Variants in GABRA3 observed in about 807,000 individuals in gnomAD.
GABRA3 encodes the protein gamma-aminobutyric acid type A receptor subunit alpha3.
Under a neutral mutation model 30.1 loss-of-function variants are expected in GABRA3, and 10 were observed. That is an observed-to-expected ratio of 0.33 (90% confidence interval 0.20 to 0.56). GABRA3 has a LOEUF of 0.56. GABRA3 is among the 20% of genes least tolerant of loss of function. The pLI, the probability that GABRA3 is intolerant of heterozygous loss-of-function variation, is 0.89. For synonymous variants in GABRA3, 151 were observed against 146.8 expected (o/e 1.03, Z -0.21); for missense variants, 233 against 392.0 (o/e 0.59, Z 3.42).
chrX:152,418,861 A>G (rs1930303151), intron 1 of GABRA3, among the ~76,000 whole-genome samples: 1 of 111,465 alleles, frequency 9.0e-6, no homozygotes, highest in Admixed American at 9.6e-5. Flanking sequence ...TTGCGGCACT[A>G]TTCACAATAG....
intron 9 of GABRA3, among the ~76,000 whole-genome samples, chrX:152,169,460 C>G (rs1050663510): frequency 8.9e-6 from 1 of 112,057 alleles, no homozygotes; most frequent in Non-Finnish European, 1.9e-5. Flanking sequence ...AGCACACACA[C>G]AGGCCAATTT....
chrX:152,385,579 A>C (rs1027194347), intron 1 of GABRA3, among the ~76,000 whole-genome samples: 5 of 112,032 alleles, frequency 4.5e-5, no homozygotes, highest in African/African-American at 1.6e-4. Context: ...TTTGCTGTGC[A>C]GAAGCTCTTT....
chrX:152,198,096 A>G (rs1204006276), intron 7 of GABRA3, among the ~76,000 whole-genome samples: 1 of 112,436 alleles, frequency 8.9e-6, no homozygotes, highest in Non-Finnish European at 1.9e-5. Context: ...GCTATGTGAT[A>G]GGCACTCATT....
chrX:152,199,989 C>T (rs56199625), intron 7 of GABRA3, among the ~76,000 whole-genome samples: 4 of 111,323 alleles, frequency 3.6e-5, no homozygotes, highest in African/African-American at 9.8e-5. Flanking sequence ...ACCTAGAGTA[C>T]TATAATAGCT....
chrX:152,284,041 T>C (rs935675861), intron 4 of GABRA3, among the ~76,000 whole-genome samples: 1 of 111,661 alleles, frequency 9.0e-6, no homozygotes, highest in Non-Finnish European at 1.9e-5. Context: ...CTCTCCACTG[T>C]ACTCTTTGTT....
At chrX:152,326,724 C>G (rs1442828144) in intron 3 of GABRA3, among the ~76,000 whole-genome samples, 1 of 111,483 alleles carries the variant, frequency 9.0e-6, no homozygotes, top group Non-Finnish European at 1.9e-5. Flanking sequence ...TGGAAAGGAA[C>G]AACTGGTACC....
Position 152,255,941 on chromosome X carries a change from C to T in GABRA3, c.388G>A (p.Asp130Asn), listed in dbSNP as rs1178723086. 8.3e-7 allele frequency: 1 copy of T among 1,209,070 alleles called. No individual in the cohort carries two copies. Among genetic ancestry groups the T allele is most frequent in the East Asian group, 3.0e-5 (1 of 33,726 alleles). Residue 130 changes from aspartate (D) to asparagine (N), a missense_variant, in exon 5 of 10, where the codon GAT (aspartate) becomes AAT (asparagine). This residue lies in a region of GABRA3 where 42 missense variants were observed against 116.2 expected (regional missense o/e 0.36). Coordinates refer to ENST00000370314, the MANE Select transcript of GABRA3 (RefSeq NM_000808.4). Reference protein sequence around the residue: ...QTWHDERLKFDGPMKILPLNN... With the variant: ...QTWHDERLKFNGPMKILPLNN... ...AGTGGAAGGATCTTCATGGGGCCAT[C>T]AAATTTCAGTCTTTCATCATGCCAT...
chrX:152,194,396 A>G (rs752198935), intron 8 of GABRA3, among the ~76,000 whole-genome samples: 8 of 107,354 alleles, frequency 7.5e-5, no homozygotes, highest in Non-Finnish European at 1.4e-4. Context: ...AGCTTTTTAT[A>G]TTTTCAGAAT....
At chrX:152,298,624 T>C (rs745517444) in intron 3 of GABRA3, among the ~76,000 whole-genome samples, 1 of 110,997 alleles carries the variant, frequency 9.0e-6, no homozygotes, top group East Asian at 2.9e-4. Flanking sequence ...CAGTCTATCA[T>C]TGTTGGACAT....
chrX:152,224,505 C>T (rs1422799320), intron 6 of GABRA3, among the ~76,000 whole-genome samples: 1 of 111,684 alleles, frequency 9.0e-6, no homozygotes, highest in African/African-American at 3.3e-5. Flanking sequence ...ATTAATGTTT[C>T]AATCTAATGA....
intron 1 of GABRA3, among the ~76,000 whole-genome samples, chrX:152,397,835 G>A (rs756431660): frequency 2.7e-5 from 3 of 111,089 alleles, no homozygotes; most frequent in Non-Finnish European, 5.7e-5. Flanking sequence ...TCGAGCTGTC[G>A]GGATTAAATA....
rs1486014679 is a variant in GABRA3 at position 152,444,754 on chromosome X, T to G, written c.-27+6392A>C. On this transcript the variant is annotated intron_variant, in intron 1 of 9. Transcript: ENST00000370314. ...TGTGTGTTTTTTTTTTTTTGTTTTTTTTTGTTTGTTTGTTTGTTTTTTTTT... is the reference window on the plus strand; with the variant it reads ...TGTGTGTTTTTTTTTTTTTGTTTTTGTTTGTTTGTTTGTTTGTTTTTTTTT... Among the ~76,000 whole-genome samples the G allele has an allele frequency of 1.8e-3, 163 of 90,033 alleles. 2 individuals are homozygous for G. The highest frequency in any genetic ancestry group is 5.4e-3 in the African/African-American group (140 of 26,100). The allele number at this position is 90,033 out of a possible 115,157, so 78.2% of individuals were successfully genotyped here. A position where few individuals can be genotyped will look rare whatever the true frequency, so the allele number is the denominator to read the frequency against.
At chrX:152,267,059 ATG>A (rs920949087) in intron 4 of GABRA3, among the ~76,000 whole-genome samples, 1 of 112,372 alleles carries the variant, frequency 8.9e-6, no homozygotes, top group Non-Finnish European at 1.9e-5. Context: ...ATATCTACAA[ATG>A]ACAATAAGAG....
intron 5 of GABRA3, among the ~76,000 whole-genome samples, chrX:152,254,334 C>T (rs1330999663): frequency 9.0e-6 from 1 of 110,707 alleles, no homozygotes. Context: ...ATCCTAATAT[C>T]TAATCTAGCT....
intron 5 of GABRA3, among the ~76,000 whole-genome samples, chrX:152,238,849 T>A (rs1183762521): frequency 9.1e-6 from 1 of 110,448 alleles, no homozygotes; most frequent in East Asian, 2.9e-4. Context: ...ATCCCCTTTA[T>A]CATTTTTTAT....
intron 3 of GABRA3, among the ~76,000 whole-genome samples, chrX:152,289,126 G>A (rs964302170): frequency 2.9e-4 from 32 of 108,705 alleles, no homozygotes; most frequent in African/African-American, 9.7e-4. Flanking sequence ...AAGATGAGCC[G>A]ATCAACAAGT....
rs1470269162 is a variant in GABRA3 at position 152,212,307 on chromosome X, AAAAAAAAAAAAAAAAAAAAAAAAAT to A, written c.635-4188_635-4164del. On this transcript the variant is annotated intron_variant, in intron 6 of 9. Coordinates refer to ENST00000370314, the MANE Select transcript of GABRA3 (RefSeq NM_000808.4). Reference sequence around the variant, plus strand: ...CTCAAAAAAAAAAAAAAAAAAAAAAAAAAAAAAAAAAAAAAAAAAAAAAATTCCAAATTGCCTACCCTAAGAACTA... The same window carrying A: ...CTCAAAAAAAAAAAAAAAAAAAAAAATCCAAATTGCCTACCCTAAGAACTA... 7.4e-4 allele frequency among the ~76,000 whole-genome samples: 57 copies of A among 77,417 alleles called. 3 individuals carry two copies. Among genetic ancestry groups the A allele is most frequent in the African/African-American group, 9.1e-4 (18 of 19,674 alleles). The allele number at this position is 77,417 out of a possible 115,157, so 67.2% of individuals were successfully genotyped here.
At chrX:152,291,600 G>T (rs1343244414) in intron 3 of GABRA3, among the ~76,000 whole-genome samples, 1 of 111,816 alleles carries the variant, frequency 8.9e-6, no homozygotes, top group Admixed American at 9.5e-5. Context: ...AGTTTTCAAA[G>T]GGAATGCTTC....
intron 4 of GABRA3, among the ~76,000 whole-genome samples, chrX:152,259,864 G>A (rs1212713695): frequency 1.8e-5 from 2 of 109,845 alleles, no homozygotes; most frequent in Non-Finnish European, 3.8e-5. Flanking sequence ...GGAGGGAAAA[G>A]TAAATGGGAT....
Sources: gnomAD v4.1 joint callset for allele counts (sites outside exome capture counted in the v4.1 genomes callset) on GRCh38, gnomAD v4.1.1 for gene constraint, gnomAD v4.1.1 regional missense constraint, MANE v1.5 for transcripts, NCBI Gene and HGNC (gene_info 2026-07-23, HGNC 2026-07-21) for gene names.